HSPA9: variants seen among roughly 807,000 people sequenced by gnomAD.
The protein encoded by HSPA9 is heat shock protein family A (Hsp70) member 9, also known as stress-70 protein, mitochondrial.
HSPA9 carries 28 observed loss-of-function variants against 81.5 expected under a neutral mutation model. The observed-to-expected ratio is 0.34, with a 90% CI of 0.25 to 0.47. The LOEUF is 0.47. Among genes scored for constraint, HSPA9 ranks in the 20% least tolerant of loss-of-function variants. The pLI is 1.00. For synonymous variants in HSPA9, 293 were observed against 290.4 expected (o/e 1.01, Z -0.09); for missense variants, 678 against 838.0 (o/e 0.81, Z 2.36).
chr5:138,557,016 G>C, intron 14 of HSPA9, 150 bp from the exon 15 acceptor site: 1 of 699,864 alleles, frequency 1.4e-6, no homozygotes, highest in Non-Finnish European at 2.6e-6. Flanking sequence ...AAGAGTCTGG[G>C]ATGGCTTTGA....
intron 9 of HSPA9, among the ~76,000 whole-genome samples, chr5:138,565,763 G>A (rs919061138): frequency 3.9e-5 from 6 of 152,170 alleles, no homozygotes; most frequent in African/African-American, 1.2e-4. Flanking sequence ...ACCCAGGCTG[G>A]AGTGAAATGG....
rs374731925 is a variant in HSPA9 at position 138,557,541 on chromosome 5, T to C, written c.1634-45A>G. The C allele has an allele frequency of 4.2e-5, 49 of 1,158,122 alleles. 1 individual carries two copies. In the African/African-American group the frequency reaches 5.4e-4, roughly 13 times the overall value. 71.7% of individuals were successfully genotyped at this position (1,158,122 alleles called of 1,614,324 possible). On this transcript the variant is annotated intron_variant, in intron 13 of 16. Coordinates refer to ENST00000297185, the MANE Select transcript of HSPA9 (RefSeq NM_004134.7). Reference sequence around the variant, plus strand: ...TTTCATTAATTCCCAGGTAAAGTTATATGCCTCTTCTTCCTCCATTGCATT... The same window carrying C: ...TTTCATTAATTCCCAGGTAAAGTTACATGCCTCTTCTTCCTCCATTGCATT...
intron 2 of HSPA9, 96 bp downstream of exon 2, chr5:138,573,972 A>G (rs1751017464): frequency 1.6e-6 from 2 of 1,243,562 alleles, no homozygotes; most frequent in Non-Finnish European, 2.3e-6. Flanking sequence ...ATAAATACAG[A>G]TAAATAATTA....
chr5:138,573,766 T>G lies in HSPA9; in HGVS notation c.225A>C (p.Ala75=). The G allele has an allele frequency of 1.2e-6, 2 of 1,602,348 alleles. No homozygotes were observed. The highest frequency in any genetic ancestry group is 4.5e-5 in the East Asian group (2 of 44,774). The change falls in exon 3 of 17, where the codon GCA becomes GCC. Residue 75 remains alanine (A), a synonymous_variant. Transcript: ENST00000297185. The stretch of plus-strand genomic sequence containing the variant: ...ACTAGTTATCAATCATGCTCACCTT[T>G]GCTTGTTTACCTTCCATAACTGCCA... ...SCVAVMEGKQ[A]KVLENAEGAR... is the part of the protein sequence containing the mutation.
rs760210081 is a variant in HSPA9, at chr5:138,567,665, T to C, written c.593A>G (p.Asn198Ser). The change falls in exon 6 of 17, where the codon AAT (asparagine) becomes AGT (serine). Residue 198 changes from asparagine (N) to serine (S), a missense_variant. Physicochemically the swap from Asn to Ser is conservative, Grantham distance 46. Around this residue, in one of 4 missense-constraint regions of HSPA9, gnomAD observed 484 missense variants for 647.5 expected, o/e 0.75. Coordinates refer to ENST00000297185, the MANE Select transcript of HSPA9 (RefSeq NM_004134.7). Reference sequence around the variant, plus strand: ...TGACCTCACCTGTCTCTGCGAGTCATTGAAATAAGCTGGGACTGTGATCAC... The same window carrying C: ...TGACCTCACCTGTCTCTGCGAGTCACTGAAATAAGCTGGGACTGTGATCAC... ...NAVITVPAYF[N>S]DSQRQATKDA... The C allele has an allele frequency of 1.2e-6, 2 of 1,613,830 alleles. No homozygotes were observed. Among genetic ancestry groups the C allele is most frequent in the Non-Finnish European group, 8.5e-7 (1 of 1,179,884 alleles).
intron 1 of HSPA9, among the ~76,000 whole-genome samples, chr5:138,574,477 G>A (rs1251382184): frequency 6.6e-6 from 1 of 152,182 alleles, no homozygotes; most frequent in Admixed American, 6.5e-5. Flanking sequence ...ATTGCCAGAT[G>A]TCCCCTGGGG....
In HSPA9 at chr5:138,570,595, C is replaced by A. The variant is rs556666073; in HGVS notation, c.410+365G>T. On this transcript the variant is annotated intron_variant, in intron 4 of 16. Transcript: ENST00000297185. ...CCGTCTCCCGGGTTCAAGTGATTCT[C>A]CCGTCTCAGCCTCCTGAGTAGCCGG... Among the ~76,000 whole-genome samples, 40 of 152,306 alleles carry A rather than the reference C, an allele frequency of 2.6e-4. 1 individual carries two copies. In the South Asian group the frequency reaches 8.3e-3, roughly 32 times the overall value.
intron 10 of HSPA9, 22 bp from the exon 11 acceptor site, chr5:138,560,113 C>T (rs770041316): frequency 6.3e-7 from 1 of 1,586,440 alleles, no homozygotes; most frequent in Non-Finnish European, 8.6e-7. Context: ...GGAAAAAGAA[C>T]CTGTCGGCCC....
At chr5:138,558,716 G>C (rs1319628842) in intron 11 of HSPA9, 59 bp from the exon 12 acceptor site, 1 of 1,068,216 alleles carries the variant, frequency 9.4e-7, no homozygotes, top group Non-Finnish European at 1.5e-6. Context: ...CATTTCTATA[G>C]AAAAAATGAA....
intron 15 of HSPA9, 25 bp from the exon 16 acceptor site, chr5:138,556,617 T>G: frequency 6.2e-7 from 1 of 1,613,316 alleles, no homozygotes; most frequent in African/African-American, 1.3e-5. Flanking sequence ...ACAAAAATCC[T>G]TACTTTTCCA....
At chr5:138,557,064 G>A (rs965848550) in intron 14 of HSPA9, 198 bp from the exon 15 acceptor site, 2 of 631,188 alleles carry the variant, frequency 3.2e-6, no homozygotes, top group African/African-American at 3.7e-5. Context: ...TCAGAATTGT[G>A]ACAGGGAAAA....
At chr5:138,573,272 A>AC (rs1170870370) in intron 3 of HSPA9, among the ~76,000 whole-genome samples, 22 of 151,364 alleles carry the variant, frequency 1.5e-4, no homozygotes, top group Admixed American at 3.9e-4. Flanking sequence ...CAGGTAATCC[A>AC]CCCCCCTTGG....
At chr5:138,571,176 T>C (rs754584240) in intron 3 of HSPA9, 35 bp from the exon 4 acceptor site, 9 of 1,600,240 alleles carry the variant, frequency 5.6e-6, no homozygotes, top group South Asian at 2.2e-5. Context: ...AGTAAGTTTG[T>C]AGTTATCACT....
chr5:138,564,751 A>T (rs1198656053), intron 9 of HSPA9, among the ~76,000 whole-genome samples: 1 of 136,094 alleles, frequency 7.3e-6, no homozygotes, highest in Admixed American at 7.0e-5. Flanking sequence ...ACAATTTCCT[A>T]TGTTTTCCTA....
intron 3 of HSPA9, among the ~76,000 whole-genome samples, chr5:138,571,960 C>CTTTTTT (rs10694029): frequency 0.73 from 72,692 of 100,240 alleles, 29,722 homozygotes; most frequent in East Asian, 0.91. Flanking sequence ...CTGCGCCTGG[C>CTTTTTT]TTTTTTTTTT....
At chr5:138,567,906 C>T (rs371700345) in intron 5 of HSPA9, among the ~76,000 whole-genome samples, 184 bp from the exon 6 acceptor site, 4 of 152,132 alleles carry the variant, frequency 2.6e-5, no homozygotes, top group South Asian at 2.1e-4. Context: ...AAGATCAGGC[C>T]GGGCACGGTG....
At position 138,561,617 on chromosome 5, in the gene HSPA9, TCTC is replaced by T; in HGVS notation, c.1142_1144del (p.Gly381del). Reference sequence around the variant, plus strand: ...AGTCATGCCACCCACAAGAATCACTTCTCCTATGTCACTCTTGCTGACTTCTGC... The same window carrying T: ...AGTCATGCCACCCACAAGAATCACTTCTATGTCACTCTTGCTGACTTCTGC... On this transcript the variant is annotated inframe_deletion, in exon 10 of 17. Transcript: ENST00000297185. 2 of 1,613,828 alleles carry T rather than the reference TCTC, an allele frequency of 1.2e-6. No homozygotes were observed. The highest frequency in any genetic ancestry group is 1.7e-6 in the Non-Finnish European group (2 of 1,179,994).
rs771368494 is a variant in HSPA9, at chr5:138,561,734, T to C, written c.1028A>G (p.Asn343Ser). Residue 343 changes from asparagine to serine, a missense_variant, in exon 10 of 17, where the codon AAT (asparagine) becomes AGT (serine). Asn to Ser is a conservative substitution (Grantham distance 46). Around this residue, in one of 4 missense-constraint regions of HSPA9, gnomAD observed 484 missense variants for 647.5 expected, o/e 0.75. Coordinates refer to ENST00000297185, the MANE Select transcript of HSPA9 (RefSeq NM_004134.7). ...AAATTGAGCACGGGTCAACTTCATA[T>C]TCAAATGCTTGGGTCCAGAAGAATC... Reference protein sequence around the residue: ...TMDSSGPKHLNMKLTRAQFEG... With the variant: ...TMDSSGPKHLSMKLTRAQFEG... 1.2e-6 allele frequency: 2 copies of C among 1,614,086 alleles called. No homozygotes were observed.
In HSPA9 at chr5:138,555,024, T is replaced by C. The variant is rs543443768; in HGVS notation, c.*1013A>G. 1 of 152,314 alleles carries C rather than the reference T, an allele frequency of 6.6e-6. No homozygotes were observed. The highest frequency in any genetic ancestry group is 1.5e-5 in the Non-Finnish European group (1 of 68,024). 9.4% of individuals were successfully genotyped at this position (152,314 alleles called of 1,614,324 possible). On this transcript the variant is annotated 3_prime_UTR_variant, in exon 17 of 17. Coordinates refer to ENST00000297185, the MANE Select transcript of HSPA9 (RefSeq NM_004134.7). ...GAAAGCAACCTGAAAATAGCCACCT[T>C]GGTTTTCATGTTAGAGATCTAAAAA...
Sources: gnomAD v4.1 joint callset for allele counts (sites outside exome capture counted in the v4.1 genomes callset) on GRCh38, gnomAD v4.1.1 for gene constraint, gnomAD v4.1.1 regional missense constraint, MANE v1.5 for transcripts, NCBI Gene and HGNC (gene_info 2026-07-23, HGNC 2026-07-21) for gene names.